NAALAD2: variants seen among roughly 807,000 people sequenced by gnomAD.
NAALAD2 encodes N-acetylated alpha-linked acidic dipeptidase 2.
In NAALAD2, 89 loss-of-function variants were observed where a neutral mutation model predicts 95.6. That is an observed-to-expected ratio of 0.93 (90% CI 0.78 to 1.11). NAALAD2 has a LOEUF of 1.11. Among genes scored for constraint, NAALAD2 ranks in the 50% least tolerant of loss-of-function variants. The pLI, the probability that NAALAD2 is intolerant of heterozygous loss-of-function variation, is 0.00. For synonymous variants in NAALAD2, 264 were observed against 294.4 expected (o/e 0.90, Z 1.06); for missense variants, 894 against 872.4 (o/e 1.02, Z -0.31).
At chr11:90,176,656 G>A (rs1418670878) in intron 15 of NAALAD2, among the ~76,000 whole-genome samples, 1 of 152,140 alleles carries the variant, frequency 6.6e-6, no homozygotes, top group Non-Finnish European at 1.5e-5. Context: ...TATATACCAT[G>A]TTTGCTCATC....
In NAALAD2 at chr11:90,154,909, C is replaced by CATAAT. The variant is rs376883645; in HGVS notation, c.796+2428_796+2429insATATA. On this transcript the variant is annotated intron_variant, in intron 6 of 18. Transcript: ENST00000534061. The stretch of plus-strand genomic sequence containing the variant: ...TATATGTATATATTATATACGTATA[C>CATAAT]ATATGTATATATTATATACGTATAC... Among the ~76,000 whole-genome samples the CATAAT allele has an allele frequency of 3.5e-3, 184 of 52,448 alleles. 11 individuals carry two copies. The highest frequency in any genetic ancestry group is 0.013 in the African/African-American group (108 of 8,076). 34.4% of individuals were successfully genotyped at this position (52,448 alleles called of 152,430 possible). A position where few individuals can be genotyped will look rare whatever the true frequency, so the allele number is the denominator to read the frequency against.
chr11:90,178,560 A>G (rs1208995477), intron 16 of NAALAD2, among the ~76,000 whole-genome samples: 1 of 151,626 alleles, frequency 6.6e-6, no homozygotes, highest in Non-Finnish European at 1.5e-5. Flanking sequence ...AGTCTCAGCT[A>G]CTCGGGAGGC....
intron 14 of NAALAD2, 94 bp downstream of exon 14, chr11:90,174,009 C>G (rs1310784985): frequency 1.1e-6 from 1 of 878,402 alleles, no homozygotes; most frequent in Non-Finnish European, 1.8e-6. Flanking sequence ...TCAAGCGTCT[C>G]ATCAATAATT....
chr11:90,152,870 C>T (rs1590973813), intron 6 of NAALAD2, among the ~76,000 whole-genome samples: 1 of 151,636 alleles, frequency 6.6e-6, no homozygotes, highest in Non-Finnish European at 1.5e-5. Flanking sequence ...TTTTGAATTA[C>T]ATTTTTTAAA....
Position 90,178,102 on chromosome 11 carries a change from C to A in NAALAD2, c.1843C>A (p.His615Asn). ...SKKHDQQLTDHGVSFDSLFSA... is the reference protein window; with the variant it reads ...SKKHDQQLTDNGVSFDSLFSA... ...GAAACATGATCAACAATTGACAGAC[C>A]ATGGAGTATCATTTGGTAAGAAATA... The change falls in exon 16 of 19, where the codon CAT becomes AAT. Residue 615 changes from histidine to asparagine, a missense_variant. Transcript: ENST00000534061. 1 of 1,609,026 alleles carries A rather than the reference C, an allele frequency of 6.2e-7. No individual in the cohort carries two copies. The highest frequency in any genetic ancestry group is 1.1e-5 in the South Asian group (1 of 89,726).
chr11:90,146,343 A>ATTTTTTTTTTTTTTTTTTTTTTTTT (rs71477596), intron 2 of NAALAD2, among the ~76,000 whole-genome samples: 1 of 47,944 alleles, frequency 2.1e-5, no homozygotes, highest in Non-Finnish European at 3.7e-5. Context: ...GGGGAGTTTA[A>ATTTTTTTTTTTTTTTTTTTTTTTTT]TTTTTTTTTT....
intron 6 of NAALAD2, among the ~76,000 whole-genome samples, chr11:90,155,585 AAT>A (rs1461934811): frequency 1.4e-4 from 11 of 77,330 alleles, no homozygotes; most frequent in Non-Finnish European, 2.3e-4. Context: ...ATATATATGT[AAT>A]ATATATGTAA....
At position 90,170,101 on chromosome 11, in the gene NAALAD2, CT is replaced by C; in HGVS notation, c.1377del (p.Leu460PhefsTer4). On this transcript the variant is annotated frameshift_variant, in exon 13 of 19. Transcript: ENST00000534061. LOFTEE classifies it high-confidence loss of function. ...TACTCTCAGAGTTGACTGTACTCCC[CT>C]TCTTTACCAATTAGTGTATAAACTG... ...NYTLRVDCTP[L>X]LYQLVYKLTK... 1 of 1,593,126 alleles carries C rather than the reference CT, an allele frequency of 6.3e-7. No homozygotes were observed.
intron 6 of NAALAD2, among the ~76,000 whole-genome samples, chr11:90,155,022 ACATAATATG>A (rs1565521809): frequency 7.9e-6 from 1 of 127,246 alleles, no homozygotes; most frequent in African/African-American, 3.2e-5. Flanking sequence ...ATATACATAT[ACATAATATG>A]TATATATGTG....
At chr11:90,146,343 ATTTTTTTTTTTTTT>A (rs71477596) in intron 2 of NAALAD2, among the ~76,000 whole-genome samples, 6 of 47,956 alleles carry the variant, frequency 1.3e-4, no homozygotes, top group East Asian at 1.5e-3. Context: ...GGGGAGTTTA[ATTTTTTTTTTTTTT>A]TTTTTTTTTT....
intron 8 of NAALAD2, among the ~76,000 whole-genome samples, chr11:90,161,555 A>G (rs562904599): frequency 4.6e-5 from 7 of 152,324 alleles, no homozygotes; most frequent in South Asian, 4.1e-4. Flanking sequence ...TCTAGAGTTC[A>G]GTTTATTTGA....
chr11:90,137,126 T>C (rs922900778), intron 2 of NAALAD2, among the ~76,000 whole-genome samples: 7 of 152,074 alleles, frequency 4.6e-5, no homozygotes, highest in Admixed American at 1.3e-4. Flanking sequence ...ACATATTGCA[T>C]GATCTAACTC....
chr11:90,167,091 C>T (rs1156482049), intron 11 of NAALAD2, among the ~76,000 whole-genome samples: 1 of 152,350 alleles, frequency 6.6e-6, no homozygotes, highest in Admixed American at 6.5e-5. Context: ...ACTCTGGCCA[C>T]GCTTGAGGAG....
At chr11:90,162,883 T>TA (rs1265247734) in intron 8 of NAALAD2, 66 bp from the exon 9 acceptor site, 2 of 917,642 alleles carry the variant, frequency 2.2e-6, no homozygotes, top group African/African-American at 1.7e-5. Flanking sequence ...AATAGTTTTT[T>TA]ATAATAAAAC....
At chr11:90,155,348 T>G (rs1952040661) in intron 6 of NAALAD2, among the ~76,000 whole-genome samples, 1 of 115,220 alleles carries the variant, frequency 8.7e-6, no homozygotes, top group Admixed American at 1.1e-4. Context: ...ATATATATTA[T>G]ATATTACATG....
In NAALAD2 at chr11:90,177,833, C is replaced by T. The variant is rs1375866768; in HGVS notation, c.1594-20C>T. 4 of 1,584,530 alleles carry T rather than the reference C, an allele frequency of 2.5e-6. No homozygotes were observed. Among genetic ancestry groups the T allele is most frequent in the African/African-American group, 2.7e-5 (2 of 73,008 alleles). On this transcript the variant is annotated intron_variant, in intron 15 of 18. Coordinates refer to ENST00000534061, the MANE Select transcript of NAALAD2 (RefSeq NM_005467.4). ...AATATTTAATGTTTATTTATACTTG[C>T]CTCTCCATTTTTTTTTCAGAAAACA... is the stretch of plus-strand genomic sequence containing the variant.
At chr11:90,147,656 C>T (rs1951778389) in intron 3 of NAALAD2, 140 bp downstream of exon 3, 3 of 767,378 alleles carry the variant, frequency 3.9e-6, no homozygotes, top group African/African-American at 1.8e-5. Flanking sequence ...GGTGTTAAGT[C>T]CTGAGGCCAG....
intron 16 of NAALAD2, among the ~76,000 whole-genome samples, chr11:90,180,319 A>C (rs968246593): frequency 1.3e-5 from 2 of 152,132 alleles, no homozygotes; most frequent in African/African-American, 2.4e-5. Context: ...TTTCTATTCT[A>C]TCTCTTATTA....
At chr11:90,173,105 CTCT>C (rs879272216) in intron 13 of NAALAD2, among the ~76,000 whole-genome samples, 2 of 152,056 alleles carry the variant, frequency 1.3e-5, no homozygotes, top group Non-Finnish European at 2.9e-5. Flanking sequence ...CATGTCTCTG[CTCT>C]TCTTAGAGTG....
Sources: gnomAD v4.1 joint callset for allele counts (sites outside exome capture counted in the v4.1 genomes callset) on GRCh38, gnomAD v4.1.1 for gene constraint, MANE v1.5 for transcripts, NCBI Gene and HGNC (gene_info 2026-07-23, HGNC 2026-07-21) for gene names.